The following SNX7 variants were observed in gnomAD, a reference collection of about 807,000 sequenced individuals.
SNX7 encodes the protein sorting nexin-7.
SNX7 carries 35 observed loss-of-function variants against 48.4 expected under a neutral mutation model. That is an observed-to-expected ratio of 0.72 (90% CI 0.55 to 0.96). SNX7 has a LOEUF of 0.96. SNX7 is among the 40% of genes least tolerant of loss of function. The pLI is 0.00. For synonymous variants in SNX7, 190 were observed against 190.2 expected, an observed-to-expected ratio of 1.00 and a Z score of 0.01; for missense variants, 553 against 548.9, an observed-to-expected ratio of 1.01 and a Z score of -0.07.
intron 7 of SNX7, among the ~76,000 whole-genome samples, chr1:98,707,528 AAT>A (rs959789041): frequency 1.3e-5 from 2 of 152,184 alleles, no homozygotes; most frequent in African/African-American, 4.8e-5. Flanking sequence ...TCTGTTTGAA[AAT>A]GCTTATTCAC....
At chr1:98,727,836 C>A (rs1170278069) in intron 7 of SNX7, among the ~76,000 whole-genome samples, 1 of 151,312 alleles carries the variant, frequency 6.6e-6, no homozygotes, top group African/African-American at 2.4e-5. Context: ...AATATTAGAG[C>A]AAAAAGAATG....
At chr1:98,702,899 G>A (rs1004566990) in intron 7 of SNX7, among the ~76,000 whole-genome samples, 10 of 151,938 alleles carry the variant, frequency 6.6e-5, no homozygotes, top group South Asian at 4.2e-4. Flanking sequence ...TCAGGTGAGC[G>A]GGGGAGTCCT....
At chr1:98,753,526 A>G (rs753672261) in intron 8 of SNX7, among the ~76,000 whole-genome samples, 1 of 152,254 alleles carries the variant, frequency 6.6e-6, no homozygotes, top group Non-Finnish European at 1.5e-5. Flanking sequence ...CAGGAATTCT[A>G]AATAGAGCAG....
intron 7 of SNX7, among the ~76,000 whole-genome samples, chr1:98,731,082 A>G (rs1251224638): frequency 6.6e-6 from 1 of 151,690 alleles, no homozygotes; most frequent in Non-Finnish European, 1.5e-5. Flanking sequence ...GCACATGTTT[A>G]CCTGTGTAAC....
chr1:98,760,180 C>A lies in SNX7; in HGVS notation c.*49C>A. 1 of 1,379,196 alleles carries A rather than the reference C, an allele frequency of 7.3e-7. No individual in the cohort carries two copies. Among genetic ancestry groups the A allele is most frequent in the East Asian group, 2.3e-5 (1 of 43,554 alleles). The allele number at this position is 1,379,196 out of a possible 1,614,324, so 85.4% of individuals were successfully genotyped here. On this transcript the variant is annotated 3_prime_UTR_variant, in exon 9 of 9. Coordinates refer to ENST00000306121, the MANE Select transcript of SNX7 (RefSeq NM_015976.5). ...TCTTTGGGAGACAGCATTTATTAAC[C>A]AAAGTTATTCTTTCTGGATCTGCCG...
At chr1:98,756,422 G>GTTTTTTTTTTTTT (rs35117249) in intron 8 of SNX7, among the ~76,000 whole-genome samples, 3 of 54,686 alleles carry the variant, frequency 5.5e-5, no homozygotes, top group African/African-American at 6.9e-5. Context: ...TGCCAGATGA[G>GTTTTTTTTTTTTT]TTTTTTTTTT....
rs146341348 is a variant in SNX7 at position 98,715,446 on chromosome 1, A to G, written c.1125+13543A>G. Among the ~76,000 whole-genome samples the G allele has an allele frequency of 4.5e-4, 69 of 152,282 alleles. No homozygotes were observed. In the East Asian group the frequency reaches 0.011, roughly 24 times the overall value. On this transcript the variant is annotated intron_variant, in intron 7 of 8. Coordinates refer to ENST00000306121, the MANE Select transcript of SNX7 (RefSeq NM_015976.5). ...GCAATGTCCGTCCAGCTTCTCCACT[A>G]TAAAAGTCACTCTTTTTCCAATGTA...
chr1:98,743,986 A>G (rs1159732982), intron 8 of SNX7, among the ~76,000 whole-genome samples: 1 of 152,066 alleles, frequency 6.6e-6, no homozygotes, highest in African/African-American at 2.4e-5. Context: ...ATTTCATTCT[A>G]TTCAAAACTG....
intron 8 of SNX7, among the ~76,000 whole-genome samples, chr1:98,755,077 G>C (rs1414492571): frequency 2.0e-5 from 3 of 151,872 alleles, no homozygotes; most frequent in Non-Finnish European, 4.4e-5. Context: ...TTTTATAATT[G>C]TCCTGTTTAG....
chr1:98,673,284 C>T (rs1015829033), intron 1 of SNX7, among the ~76,000 whole-genome samples: 1 of 152,178 alleles, frequency 6.6e-6, no homozygotes, highest in African/African-American at 2.4e-5. Flanking sequence ...ATTCTTCCTG[C>T]CTTGGGCCTC....
intron 1 of SNX7, among the ~76,000 whole-genome samples, chr1:98,684,314 A>G (rs910839318): frequency 3.7e-4 from 56 of 152,228 alleles, no homozygotes; most frequent in African/African-American, 1.1e-3. Context: ...AATATCTGAG[A>G]CTGGGTAATT....
intron 7 of SNX7, among the ~76,000 whole-genome samples, chr1:98,714,169 G>T (rs1338191273): frequency 6.6e-6 from 1 of 152,132 alleles, no homozygotes; most frequent in African/African-American, 2.4e-5. Flanking sequence ...GGGTGTCAAT[G>T]CCCCAGTCAC....
At chr1:98,683,935 T>C (rs1285072465) in intron 1 of SNX7, among the ~76,000 whole-genome samples, 1 of 152,174 alleles carries the variant, frequency 6.6e-6, no homozygotes, top group African/African-American at 2.4e-5. Context: ...TCCAGTGTTC[T>C]ACCAAATTGG....
At chr1:98,676,582 A>G (rs1301481104) in intron 1 of SNX7, among the ~76,000 whole-genome samples, 1 of 152,206 alleles carries the variant, frequency 6.6e-6, no homozygotes, top group Non-Finnish European at 1.5e-5. Flanking sequence ...ATTGTAGTTC[A>G]CAGAGCTAAA....
At chr1:98,721,087 G>A (rs1652846087) in intron 7 of SNX7, among the ~76,000 whole-genome samples, 1 of 103,642 alleles carries the variant, frequency 9.6e-6, no homozygotes, top group South Asian at 3.4e-4. Context: ...TTATTTACTT[G>A]CACCTCAAGT....
intron 8 of SNX7, among the ~76,000 whole-genome samples, chr1:98,743,250 C>T (rs1373388774): frequency 1.3e-5 from 2 of 151,730 alleles, no homozygotes; most frequent in Non-Finnish European, 2.9e-5. Context: ...CAAATTCACA[C>T]TTAAGTCTTG....
intron 7 of SNX7, among the ~76,000 whole-genome samples, chr1:98,706,547 G>A (rs1455705222): frequency 6.6e-6 from 1 of 152,076 alleles, no homozygotes; most frequent in Non-Finnish European, 1.5e-5. Flanking sequence ...TTGAACAGAG[G>A]AGTAACATAA....
chr1:98,755,060 G>A (rs1654774941), intron 8 of SNX7, among the ~76,000 whole-genome samples: 1 of 151,942 alleles, frequency 6.6e-6, no homozygotes, highest in African/African-American at 2.4e-5. Flanking sequence ...CTTTGACACT[G>A]GAGGCTTTTT....
intron 7 of SNX7, 132 bp downstream of exon 7, chr1:98,702,035 A>G: frequency 1.7e-6 from 1 of 603,200 alleles, no homozygotes; most frequent in Non-Finnish European, 2.8e-6. Flanking sequence ...AGCAAATTAT[A>G]GTAAAATTTC....
Sources: gnomAD v4.1 joint callset for allele counts (sites outside exome capture counted in the v4.1 genomes callset) on GRCh38, gnomAD v4.1.1 for gene constraint, MANE v1.5 for transcripts, NCBI Gene and HGNC (gene_info 2026-07-23, HGNC 2026-07-21) for gene names.